GPR107: variants seen among roughly 807,000 people sequenced by gnomAD.
The protein encoded by GPR107 is G protein-coupled receptor 107.
In GPR107, 31 loss-of-function variants were observed where a neutral mutation model predicts 75.5. The ratio of observed to expected loss-of-function variants is 0.41; its 90% CI spans 0.31 to 0.55. The LOEUF (loss-of-function observed/expected upper bound fraction) is 0.55. Ranked by LOEUF, GPR107 falls within the 20% of genes least tolerant of loss-of-function variation. The pLI is 0.26. For synonymous variants in GPR107, 267 were observed against 251.3 expected (o/e 1.06, Z -0.59); for missense variants, 572 against 665.7 (o/e 0.86, Z 1.55).
chr9:130,121,397 G>T (rs1831543530), intron 14 of GPR107, among the ~76,000 whole-genome samples: 1 of 152,114 alleles, frequency 6.6e-6, no homozygotes, highest in Non-Finnish European at 1.5e-5. Context: ...AATCTGTGTT[G>T]GGCCGCATTC....
intron 9 of GPR107, among the ~76,000 whole-genome samples, chr9:130,097,808 G>A (rs936234221): frequency 2.0e-5 from 3 of 151,320 alleles, no homozygotes; most frequent in Non-Finnish European, 4.4e-5. Context: ...CTGAGCTCAA[G>A]TGATCCTCCC....
chr9:130,104,702 G>A (rs1055675097), intron 13 of GPR107, 152 bp downstream of exon 13: 8 of 648,854 alleles, frequency 1.2e-5, no homozygotes, highest in Non-Finnish European at 2.1e-5. Flanking sequence ...TCAGCCTCCA[G>A]GGGCAGAACC....
At chr9:130,099,314 CA>C (rs113082720) in intron 9 of GPR107, 142 bp from the exon 10 acceptor site, 89,959 of 471,150 alleles carry the variant, frequency 0.19, no homozygotes, top group South Asian at 0.26. Flanking sequence ...GACCCTGTCT[CA>C]AAAAAAAAAA....
intron 1 of GPR107, among the ~76,000 whole-genome samples, chr9:130,068,694 G>A (rs575490960): frequency 5.3e-5 from 8 of 151,200 alleles, no homozygotes; most frequent in South Asian, 2.1e-4. Context: ...TAAAACAACC[G>A]TTTTTAAAGT....
At chr9:130,094,532 C>G (rs1830816737) in intron 9 of GPR107, among the ~76,000 whole-genome samples, 1 of 152,086 alleles carries the variant, frequency 6.6e-6, no homozygotes, top group African/African-American at 2.4e-5. Flanking sequence ...ATGTTTGTGC[C>G]ACTGCATTCC....
chr9:130,125,373 G>A (rs1434579593), intron 15 of GPR107, among the ~76,000 whole-genome samples: 1 of 150,328 alleles, frequency 6.7e-6, no homozygotes, highest in Non-Finnish European at 1.5e-5. Flanking sequence ...GAGTCACTGC[G>A]CCTGGCCAGT....
At position 130,104,464 on chromosome 9, in the gene GPR107, G is replaced by A. The variant is rs766484121; in HGVS notation, c.1176G>A (p.Glu392=). The A allele has an allele frequency of 6.2e-7, 1 of 1,613,024 alleles. No individual in the cohort carries two copies. Among genetic ancestry groups the A allele is most frequent in the South Asian group, 1.1e-5 (1 of 91,052 alleles). Reference sequence around the variant, plus strand: ...ACATCATCATAGAGTCCACCGAGGAGGGCACGACTGAATATGGCTTGTGGA... The same window carrying A: ...ACATCATCATAGAGTCCACCGAGGAAGGCACGACTGAATATGGCTTGTGGA... ...VAYIIIESTE[E]GTTEYGLWKD... Residue 392 remains glutamate, a synonymous_variant, in exon 13 of 18, where the codon GAG becomes GAA. Coordinates refer to ENST00000347136, the MANE Select transcript of GPR107 (RefSeq NM_020960.5).
intron 14 of GPR107, among the ~76,000 whole-genome samples, chr9:130,124,095 C>T (rs543141077): frequency 6.6e-6 from 1 of 152,318 alleles, no homozygotes; most frequent in Admixed American, 6.5e-5. Flanking sequence ...CTCCTCCCTC[C>T]CCGACAACTA....
intron 7 of GPR107, among the ~76,000 whole-genome samples, chr9:130,088,487 C>A (rs1337930820): frequency 2.0e-5 from 3 of 152,194 alleles, no homozygotes; most frequent in African/African-American, 7.2e-5. Context: ...TCCCCCTCTA[C>A]AGAAGATACC....
At chr9:130,087,848 C>T (rs1450001668) in intron 7 of GPR107, among the ~76,000 whole-genome samples, 4 of 146,884 alleles carry the variant, frequency 2.7e-5, no homozygotes, top group East Asian at 2.0e-4. Flanking sequence ...ATGCACAGGT[C>T]GTGTCTTAAG....
Position 130,075,713 on chromosome 9 carries a change from C to A in GPR107, c.219C>A (p.Ser73Arg). ...GGTACATGGTGGTGAATGTCAGTAG[C>A]CTCTCACTGAATGAGCCTGAAGACA... ...KDGYMVVNVS[S>R]LSLNEPEDKD... is the part of the protein sequence containing the mutation. Residue 73 changes from serine to arginine, a missense_variant, in exon 2 of 18, where the codon AGC becomes AGA. Coordinates refer to ENST00000347136, the MANE Select transcript of GPR107 (RefSeq NM_020960.5). The A allele has an allele frequency of 6.2e-7, 1 of 1,600,528 alleles. No homozygotes were observed. Among genetic ancestry groups the A allele is most frequent in the Non-Finnish European group, 8.6e-7 (1 of 1,167,678 alleles).
At chr9:130,119,171 C>G (rs1391349522) in intron 14 of GPR107, among the ~76,000 whole-genome samples, 1 of 152,206 alleles carries the variant, frequency 6.6e-6, no homozygotes, top group Non-Finnish European at 1.5e-5. Flanking sequence ...TGGCTGCTCA[C>G]TGCATCATGC....
intron 1 of GPR107, among the ~76,000 whole-genome samples, chr9:130,062,607 T>G (rs1829953934): frequency 1.7e-5 from 2 of 120,866 alleles, no homozygotes. Flanking sequence ...TTCGCCTGCC[T>G]GCCTGCCTGC....
chr9:130,091,621 TG>T (rs752350050), intron 8 of GPR107, among the ~76,000 whole-genome samples: 7 of 150,854 alleles, frequency 4.6e-5, no homozygotes, highest in Non-Finnish European at 7.4e-5. Context: ...CTCCATCTCC[TG>T]GGTTCAAGTG....
rs983870852 is a variant in GPR107 at position 130,098,109 on chromosome 9, T to C, written c.864-1348T>C. On this transcript the variant is annotated intron_variant, in intron 9 of 17. Transcript: ENST00000347136. The stretch of plus-strand genomic sequence containing the variant: ...TCTTGCCCAGGCTAATCCCAAACTC[T>C]TGGGCTTAAGTAATCTTCCCACCTC... Among the ~76,000 whole-genome samples, 15 of 151,626 alleles carry C rather than the reference T, an allele frequency of 9.9e-5. No homozygotes were observed. The South Asian group carries it at 1.3e-3, about 13-fold the overall frequency.
At chr9:130,085,378 C>T (rs1160384980) in intron 6 of GPR107, among the ~76,000 whole-genome samples, 2 of 152,046 alleles carry the variant, frequency 1.3e-5, no homozygotes, top group East Asian at 1.9e-4. Flanking sequence ...TTTTGGTTGG[C>T]GATATCTTGA....
Position 130,100,661 on chromosome 9 carries a change from C to T in GPR107, c.972C>T (p.Phe324=), listed in dbSNP as rs1564674624. The change falls in exon 11 of 18, where the codon TTC becomes TTT. Residue 324 remains phenylalanine, a synonymous_variant. Transcript: ENST00000347136. ...ACCACTACATCTCCTCCCAGGGCTTCCCTATCGAAGGCTGGGCTGTTGTGT... is the reference window on the plus strand; with the variant it reads ...ACCACTACATCTCCTCCCAGGGCTTTCCTATCGAAGGCTGGGCTGTTGTGT... ...IDYHYISSQG[F]PIEGWAVVYY... 6.2e-7 allele frequency: 1 copy of T among 1,613,406 alleles called. No homozygotes were observed. The highest frequency in any genetic ancestry group is 1.7e-5 in the Admixed American group (1 of 60,026).
intron 11 of GPR107, 127 bp downstream of exon 11, chr9:130,100,829 C>G: frequency 1.4e-6 from 1 of 726,478 alleles, no homozygotes. Context: ...CCCTGCCATA[C>G]CAGAGGAGTG....
At chr9:130,118,125 T>C (rs1831468974) in intron 14 of GPR107, among the ~76,000 whole-genome samples, 1 of 152,206 alleles carries the variant, frequency 6.6e-6, no homozygotes, top group African/African-American at 2.4e-5. Context: ...TGGGTAACTT[T>C]GGTCATTTAC....
Sources: gnomAD v4.1 joint callset for allele counts (sites outside exome capture counted in the v4.1 genomes callset) on GRCh38, gnomAD v4.1.1 for gene constraint, MANE v1.5 for transcripts, NCBI Gene and HGNC (gene_info 2026-07-23, HGNC 2026-07-21) for gene names.